The following LRRC63 variants were observed in gnomAD, a reference collection of about 807,000 sequenced individuals.
LRRC63 encodes the protein leucine rich repeat containing 63, also known as leucine-rich repeat-containing protein 63.
A neutral mutation model predicts 49.5 loss-of-function variants in LRRC63; 40 were observed. That is an observed-to-expected ratio of 0.81 (90% confidence interval 0.63 to 1.05). The LOEUF (loss-of-function observed/expected upper bound fraction) is 1.05. LRRC63 is among the 50% of genes least tolerant of loss of function. The probability of loss-of-function intolerance (pLI) is 0.00; values close to 1 mark genes in which losing one functional copy is unlikely to be tolerated. For missense variants in LRRC63, 636 were observed against 663.1 expected (o/e 0.96, Z 0.45); for synonymous variants, 191 against 221.1 (o/e 0.86, Z 1.21).
chr13:46,214,731 C>T (rs9590954), intron 2 of LRRC63, among the ~76,000 whole-genome samples: 2,075 of 151,888 alleles, frequency 0.014, 50 homozygotes, highest in African/African-American at 0.048. Flanking sequence ...TTTGCTGCAC[C>T]TATTGACCCA....
chr13:46,214,595 G>A (rs1281343648), intron 2 of LRRC63, among the ~76,000 whole-genome samples: 4 of 151,572 alleles, frequency 2.6e-5, no homozygotes, highest in African/African-American at 9.7e-5. Context: ...AAAGGCTCTT[G>A]ACAGAGGGCT....
intron 2 of LRRC63, among the ~76,000 whole-genome samples, chr13:46,220,292 G>A (rs1046342632): frequency 1.3e-5 from 2 of 152,210 alleles, no homozygotes; most frequent in Non-Finnish European, 2.9e-5. Context: ...CTTTCTTTCA[G>A]AGATGCCCTG....
intron 9 of LRRC63, among the ~76,000 whole-genome samples, chr13:46,274,083 T>C (rs1381118642): frequency 1.3e-5 from 2 of 152,058 alleles, no homozygotes. Flanking sequence ...GATAGACTAG[T>C]GCAGGGGAAG....
intron 4 of LRRC63, among the ~76,000 whole-genome samples, chr13:46,229,859 G>T (rs1228448847): frequency 6.6e-6 from 1 of 152,152 alleles, no homozygotes; most frequent in East Asian, 1.9e-4. Flanking sequence ...AAGAAGTATG[G>T]TGCTGGTATT....
intron 9 of LRRC63, among the ~76,000 whole-genome samples, chr13:46,274,294 A>G (rs968181870): frequency 1.3e-5 from 2 of 152,188 alleles, no homozygotes; most frequent in African/African-American, 4.8e-5. Flanking sequence ...GATGACTGTG[A>G]CATTAGTAAA....
chr13:46,225,840 A>T (rs2046557797), intron 2 of LRRC63, among the ~76,000 whole-genome samples: 2 of 152,138 alleles, frequency 1.3e-5, no homozygotes, highest in South Asian at 4.1e-4. Context: ...CTAAATTAGT[A>T]CTTCCATATA....
At chr13:46,227,919 T>A in exon 3 of LRRC63, 1 of 1,550,638 alleles carries the variant, frequency 6.4e-7, no homozygotes, top group South Asian at 1.2e-5. Flanking sequence ...TACTCCTGGC[T>A]CAGTTATCGC....
exon 5 of LRRC63, chr13:46,234,328 G>A (rs1201338606): frequency 1.9e-6 from 3 of 1,549,908 alleles, no homozygotes; most frequent in African/African-American, 1.4e-5. Flanking sequence ...AAGTATATGG[G>A]AGAAATGCAC....
chr13:46,256,555 T>C (rs1486229501), intron 7 of LRRC63, among the ~76,000 whole-genome samples: 1 of 152,254 alleles, frequency 6.6e-6, no homozygotes, highest in Non-Finnish European at 1.5e-5. Context: ...TGGTAATTCC[T>C]GTTTACCTTT....
chr13:46,267,055 T>C (rs1594098299), intron 9 of LRRC63, 83 bp downstream of exon 9: 1 of 1,248,166 alleles, frequency 8.0e-7, no homozygotes, highest in African/African-American at 1.5e-5. Context: ...GATGACAGTG[T>C]CACTAACATG....
At chr13:46,243,051 C>A (rs1042373226) in intron 5 of LRRC63, among the ~76,000 whole-genome samples, 3 of 152,078 alleles carry the variant, frequency 2.0e-5, no homozygotes, top group Admixed American at 6.5e-5. Context: ...GTAAGTAAAC[C>A]ACTTACATCT....
chr13:46,264,424 A>G (rs888858355), intron 8 of LRRC63, among the ~76,000 whole-genome samples: 1 of 145,810 alleles, frequency 6.9e-6, no homozygotes, highest in Non-Finnish European at 1.5e-5. Flanking sequence ...CATGGTTTTT[A>G]TTTATTTATT....
chr13:46,228,039 C>T (rs1314057691), exon 3 of LRRC63: 7 of 1,551,102 alleles, frequency 4.5e-6, no homozygotes, highest in Admixed American at 2.0e-5. Context: ...AAGCCCTCCA[C>T]CTATGACTGT....
intron 2 of LRRC63, among the ~76,000 whole-genome samples, chr13:46,216,527 TG>T (rs1185293571): frequency 1.3e-5 from 2 of 152,184 alleles, no homozygotes; most frequent in Non-Finnish European, 2.9e-5. Context: ...GCTGAGACAA[TG>T]GGATTTTCTA....
chr13:46,269,600 G>T (rs181368632), intron 9 of LRRC63, among the ~76,000 whole-genome samples: 57 of 151,922 alleles, frequency 3.8e-4, no homozygotes, highest in East Asian at 9.6e-4. Context: ...AGTGTAGAAG[G>T]CTCTCTGTAT....
chr13:46,255,645 AAT>A (rs142798828), intron 7 of LRRC63, among the ~76,000 whole-genome samples: 129 of 129,182 alleles, frequency 1.0e-3, no homozygotes, highest in Admixed American at 1.2e-3. Context: ...CCCTGCCTCA[AAT>A]ATATATATAT....
chr13:46,255,918 T>G (rs750779277), intron 7 of LRRC63, among the ~76,000 whole-genome samples: 3 of 152,148 alleles, frequency 2.0e-5, no homozygotes, highest in Non-Finnish European at 2.9e-5. Context: ...CATCATAGAC[T>G]TATTTCACCT....
intron 5 of LRRC63, among the ~76,000 whole-genome samples, chr13:46,235,717 A>G (rs573270012): frequency 7.9e-5 from 12 of 152,328 alleles, no homozygotes; most frequent in Non-Finnish European, 1.2e-4. Flanking sequence ...TGAGGGAGGC[A>G]TATTTTATTC....
intron 2 of LRRC63, among the ~76,000 whole-genome samples, chr13:46,225,670 CAGTT>C (rs1828479034): frequency 6.6e-6 from 1 of 152,170 alleles, no homozygotes; most frequent in Non-Finnish European, 1.5e-5. Context: ...TTTATTGAAT[CAGTT>C]AGCTTTAATT....
Sources: gnomAD v4.1 joint callset for allele counts (sites outside exome capture counted in the v4.1 genomes callset) on GRCh38, gnomAD v4.1.1 for gene constraint, MANE v1.5 for transcripts, NCBI Gene and HGNC (gene_info 2026-07-23, HGNC 2026-07-21) for gene names.